Variants in CCBE1 observed in about 807,000 individuals in gnomAD.
CCBE1 encodes the protein collagen and calcium binding EGF domains 1, also known as collagen and calcium-binding EGF domain-containing protein 1.
CCBE1 carries 37 observed loss-of-function variants against 50.0 expected under a neutral mutation model. The ratio of observed to expected loss-of-function variants is 0.74; its 90% CI spans 0.57 to 0.97. CCBE1 has a LOEUF of 0.97. Among genes scored for constraint, CCBE1 ranks in the 50% least tolerant of loss-of-function variants. The pLI is 0.00. For synonymous variants in CCBE1, 234 were observed against 203.7 expected (o/e 1.15, Z -1.27); for missense variants, 538 against 523.8 (o/e 1.03, Z -0.26).
intron 2 of CCBE1, among the ~76,000 whole-genome samples, chr18:59,645,527 A>T (rs2054044193): frequency 6.6e-6 from 1 of 152,180 alleles, no homozygotes; most frequent in Admixed American, 6.5e-5. Context: ...CCTATATCCC[A>T]TTCCATCAAG....
Position 59,438,146 on chromosome 18 carries a change from C to A in CCBE1, c.952G>T (p.Gly318Trp), listed in dbSNP as rs769574856. 3.0e-5 allele frequency: 48 copies of A among 1,613,972 alleles called. No homozygotes were observed. Among genetic ancestry groups the A allele is most frequent in the Non-Finnish European group, 3.9e-5 (46 of 1,180,006 alleles). ...PGAPGRDGSK[G>W]ERGAPGPRGS... Reference sequence around the variant, plus strand: ...CTGGGCCCAGGCGCTCCTCTCTCCCCCTAAAAACAGAAAGGCCAGGGTTAG... The same window carrying A: ...CTGGGCCCAGGCGCTCCTCTCTCCCACTAAAAACAGAAAGGCCAGGGTTAG... The change falls in exon 10 of 11, where the codon GGG becomes TGG. Residue 318 changes from glycine to tryptophan, a missense_variant and splice_region_variant. By Grantham distance (184) the Gly-to-Trp change is radical. Coordinates refer to ENST00000439986, the MANE Select transcript of CCBE1 (RefSeq NM_133459.4).
At chr18:59,633,905 A>T (rs2053884369) in intron 2 of CCBE1, among the ~76,000 whole-genome samples, 1 of 152,240 alleles carries the variant, frequency 6.6e-6, no homozygotes, top group South Asian at 2.1e-4. Context: ...GAAAATGTTT[A>T]TCAAATTATA....
At chr18:59,546,126 C>T (rs1007466528) in intron 2 of CCBE1, among the ~76,000 whole-genome samples, 1 of 152,192 alleles carries the variant, frequency 6.6e-6, no homozygotes, top group African/African-American at 2.4e-5. Context: ...TGACATTCTT[C>T]TATAAGCTTA....
chr18:59,654,836 C>T (rs1012184801), intron 2 of CCBE1, among the ~76,000 whole-genome samples: 4 of 150,724 alleles, frequency 2.7e-5, no homozygotes, highest in African/African-American at 9.8e-5. Flanking sequence ...TGGCTCATTC[C>T]TAATTCCTAT....
chr18:59,604,005 T>C (rs2053464207), intron 2 of CCBE1, among the ~76,000 whole-genome samples: 1 of 152,238 alleles, frequency 6.6e-6, no homozygotes, highest in Non-Finnish European at 1.5e-5. Context: ...TGACCACTGA[T>C]AGAATCTTCT....
intron 2 of CCBE1, among the ~76,000 whole-genome samples, chr18:59,586,520 C>T (rs778614972): frequency 6.6e-6 from 1 of 152,128 alleles, no homozygotes; most frequent in Non-Finnish European, 1.5e-5. Flanking sequence ...TGAGCTAGGA[C>T]CAGACCAATG....
chr18:59,562,099 T>C (rs771839940), intron 2 of CCBE1, among the ~76,000 whole-genome samples: 2 of 152,230 alleles, frequency 1.3e-5, no homozygotes, highest in South Asian at 2.1e-4. Context: ...GAGTTATTTA[T>C]TGACTGCTTT....
At chr18:59,683,930 C>A (rs2054624639) in intron 2 of CCBE1, among the ~76,000 whole-genome samples, 1 of 151,762 alleles carries the variant, frequency 6.6e-6, no homozygotes, top group African/African-American at 2.4e-5. Flanking sequence ...GACCTCAAAC[C>A]CCTCCCTTCC....
At chr18:59,690,560 A>G (rs990043119) in intron 2 of CCBE1, among the ~76,000 whole-genome samples, 1 of 152,250 alleles carries the variant, frequency 6.6e-6, no homozygotes, top group African/African-American at 2.4e-5. Flanking sequence ...AGAAAGAGGC[A>G]TTTGGCTTTT....
At chr18:59,662,131 T>A (rs57431867) in intron 2 of CCBE1, among the ~76,000 whole-genome samples, 1 of 152,332 alleles carries the variant, frequency 6.6e-6, no homozygotes, top group African/African-American at 2.4e-5. Flanking sequence ...TTGGGGGCCA[T>A]TTTAAAACAG....
chr18:59,467,579 C>T (rs1421481046), intron 4 of CCBE1, among the ~76,000 whole-genome samples: 2 of 152,186 alleles, frequency 1.3e-5, no homozygotes, highest in African/African-American at 4.8e-5. Context: ...ATGAAGAGCC[C>T]ATGTTAACTA....
Position 59,697,196 on chromosome 18 carries a change from G to A in CCBE1, c.131+16C>T. 6.5e-7 allele frequency: 1 copy of A among 1,548,332 alleles called. No individual in the cohort carries two copies. Among genetic ancestry groups the A allele is most frequent in the South Asian group, 1.2e-5 (1 of 83,976 alleles). ...CAAGCAGGAGCTCGCCCTCCGCTGG[G>A]GCTTGCAGCGCTTACCTGTCGCCGT... On this transcript the variant is annotated intron_variant, in intron 1 of 10. Coordinates refer to ENST00000439986, the MANE Select transcript of CCBE1 (RefSeq NM_133459.4).
At chr18:59,662,189 G>A (rs1329106682) in intron 2 of CCBE1, among the ~76,000 whole-genome samples, 1 of 152,176 alleles carries the variant, frequency 6.6e-6, no homozygotes, top group Non-Finnish European at 1.5e-5. Flanking sequence ...TGCACAGACT[G>A]CAGAAGGGTA....
chr18:59,508,080 A>G (rs1024288305), intron 2 of CCBE1, among the ~76,000 whole-genome samples: 9 of 151,730 alleles, frequency 5.9e-5, no homozygotes, highest in Non-Finnish European at 1.0e-4. Context: ...TTTAGTAGAG[A>G]TGGGGTTTCA....
chr18:59,513,399 A>G (rs1914222654), intron 2 of CCBE1, among the ~76,000 whole-genome samples: 1 of 152,220 alleles, frequency 6.6e-6, no homozygotes, highest in African/African-American at 2.4e-5. Flanking sequence ...CAAAGGAGGG[A>G]CAAGTCCAGG....
At chr18:59,488,933 C>G (rs2143798994) in intron 2 of CCBE1, among the ~76,000 whole-genome samples, 1 of 152,230 alleles carries the variant, frequency 6.6e-6, no homozygotes, top group African/African-American at 2.4e-5. Flanking sequence ...CATCAGGACA[C>G]AAGGAGCCCC....
intron 7 of CCBE1, 46 bp downstream of exon 7, chr18:59,447,937 C>CT: frequency 6.2e-7 from 1 of 1,612,820 alleles, no homozygotes; most frequent in Non-Finnish European, 8.5e-7. Context: ...TTTTGGCAGG[C>CT]TTTTTCTGTT....
At chr18:59,589,639 CA>C (rs367815274) in intron 2 of CCBE1, among the ~76,000 whole-genome samples, 2,047 of 151,808 alleles carry the variant, frequency 0.013, 58 homozygotes, top group African/African-American at 0.046. Flanking sequence ...ACTAAAAATA[CA>C]AAAACAAAAT....
chr18:59,474,384 G>A (rs1912210953), intron 3 of CCBE1, among the ~76,000 whole-genome samples: 1 of 152,160 alleles, frequency 6.6e-6, no homozygotes, highest in Non-Finnish European at 1.5e-5. Flanking sequence ...TATGACATCT[G>A]GGTATCACTG....
Sources: gnomAD v4.1 joint callset for allele counts (sites outside exome capture counted in the v4.1 genomes callset) on GRCh38, gnomAD v4.1.1 for gene constraint, MANE v1.5 for transcripts, NCBI Gene and HGNC (gene_info 2026-07-23, HGNC 2026-07-21) for gene names.